Variants in BOC observed in about 807,000 individuals in gnomAD.
The protein encoded by BOC is brother of CDO.
A neutral mutation model predicts 112.0 loss-of-function variants in BOC; 76 were observed. That is an observed-to-expected ratio of 0.68 (90% CI 0.56 to 0.82). The LOEUF is 0.82. Among genes scored for constraint, BOC ranks in the 40% least tolerant of loss-of-function variants. The probability of loss-of-function intolerance (pLI) is 0.00; values close to 1 mark genes in which losing one functional copy is unlikely to be tolerated. For missense variants in BOC, 1,309 were observed against 1,511.7 expected, an observed-to-expected ratio of 0.87 and a Z score of 2.22; for synonymous variants, 580 against 599.8, an observed-to-expected ratio of 0.97 and a Z score of 0.48.
At chr3:113,254,798 T>C (rs1177119190) in intron 4 of BOC, among the ~76,000 whole-genome samples, 1 of 152,156 alleles carries the variant, frequency 6.6e-6, no homozygotes, top group East Asian at 1.9e-4. Flanking sequence ...GGGCTATAGG[T>C]CATGGGGCTT....
Position 113,266,439 on chromosome 3 carries a change from T to C in BOC, c.377-1860T>C, listed in dbSNP as rs139975016. On this transcript the variant is annotated intron_variant, in intron 4 of 19. Transcript: ENST00000682979. ...ATCCCACATAACGTCTCAAGAAACATTGTATTTGCAAAATAGCTTCCATTG... is the reference window on the plus strand; with the variant it reads ...ATCCCACATAACGTCTCAAGAAACACTGTATTTGCAAAATAGCTTCCATTG... Among the ~76,000 whole-genome samples, 543 of 152,322 alleles carry C rather than the reference T, an allele frequency of 3.6e-3. 2 individuals carry two copies. The highest frequency in any genetic ancestry group is 0.012 in the African/African-American group (492 of 41,570).
At chr3:113,272,051 G>A (rs1484414524) in intron 6 of BOC, 3 of 294,256 alleles carry the variant, frequency 1.0e-5, no homozygotes, top group African/African-American at 2.1e-5. Context: ...GCCTCACAGC[G>A]CACATACTGA....
chr3:113,280,726 AC>A, intron 14 of BOC, 63 bp downstream of exon 14: 1 of 1,350,802 alleles, frequency 7.4e-7, no homozygotes, highest in Non-Finnish European at 1.1e-6. Context: ...GGCATGGGGG[AC>A]AAGGTATTGG....
At chr3:113,251,015 C>T (rs1452180230) in intron 4 of BOC, 182 bp downstream of exon 4, 8 of 734,534 alleles carry the variant, frequency 1.1e-5, no homozygotes, top group Middle Eastern at 2.4e-4. Context: ...CCCTTGTGCC[C>T]TTGGAAAACC....
At chr3:113,271,936 C>T (rs1948165176) in intron 6 of BOC, 1 of 182,488 alleles carries the variant, frequency 5.5e-6, no homozygotes, top group African/African-American at 2.3e-5. Flanking sequence ...CCATTCAGCT[C>T]AGCCGGAGGC....
chr3:113,278,077 A>G lies in BOC; in HGVS notation c.1543-18A>G. ...CCGAGGCTGAGATGCCGGTCTTTAT[A>G]CCAGCTACCTTCTCCAGCAGGTCAC... On this transcript the variant is annotated intron_variant, in intron 9 of 19. Coordinates refer to ENST00000682979, the MANE Select transcript of BOC (RefSeq NM_001378074.1). The surrounding 1 kb of genome is among the most constrained non-coding windows in gnomAD (Gnocchi z 4.2). 1 of 1,613,940 alleles carries G rather than the reference A, an allele frequency of 6.2e-7. No homozygotes were observed. Among genetic ancestry groups the G allele is most frequent in the Middle Eastern group, 1.6e-4 (1 of 6,062 alleles).
At chr3:113,235,203 A>C (rs1943260233) in intron 2 of BOC, among the ~76,000 whole-genome samples, 1 of 152,206 alleles carries the variant, frequency 6.6e-6, no homozygotes, top group African/African-American at 2.4e-5. Flanking sequence ...AACTCTGAGC[A>C]CCTAAAGGTT....
At chr3:113,276,564 C>A (rs952354641) in intron 9 of BOC, among the ~76,000 whole-genome samples, 1 of 152,222 alleles carries the variant, frequency 6.6e-6, no homozygotes, top group Non-Finnish European at 1.5e-5. Context: ...TAAAGATCAC[C>A]CGAGAAAGAA....
chr3:113,284,743 C>T (rs780671217), intron 17 of BOC, 39 bp from the exon 18 acceptor site: 13 of 1,593,208 alleles, frequency 8.2e-6, no homozygotes, highest in Admixed American at 1.7e-5. Context: ...TACCTGGACT[C>T]CCCGGCGTGG....
chr3:113,263,457 TCTTA>T (rs765774708), intron 4 of BOC, among the ~76,000 whole-genome samples: 23 of 152,334 alleles, frequency 1.5e-4, no homozygotes, highest in South Asian at 2.1e-4. Flanking sequence ...GATGGTGGCG[TCTTA>T]CTTCTCTTCT....
chr3:113,261,228 G>A (rs1946839730), intron 4 of BOC, among the ~76,000 whole-genome samples: 1 of 152,152 alleles, frequency 6.6e-6, no homozygotes, highest in African/African-American at 2.4e-5. Flanking sequence ...CAGGCTGCCA[G>A]CCCTTCCAAA....
chr3:113,268,368 C>A lies in BOC; in HGVS notation c.446C>A (p.Ala149Asp). Residue 149 changes from alanine to aspartate, a missense_variant, in exon 5 of 20, where the codon GCC becomes GAC. Physicochemically the swap from Ala to Asp is moderately radical, Grantham distance 126. Transcript: ENST00000682979. Reference protein sequence around the residue: ...EVDEGNTAVIACHLPESHPKA... With the variant: ...EVDEGNTAVIDCHLPESHPKA... The stretch of plus-strand genomic sequence containing the variant: ...GATGAGGGAAACACAGCAGTCATTG[C>A]CTGCCACCTGCCTGAGAGCCACCCC... 1 of 1,614,130 alleles carries A rather than the reference C, an allele frequency of 6.2e-7. No individual in the cohort carries two copies. Among genetic ancestry groups the A allele is most frequent in the Non-Finnish European group, 8.5e-7 (1 of 1,180,014 alleles).
rs763004347 is a variant in BOC, at chr3:113,272,653, G to A, written c.911G>A (p.Gly304Glu). ...SGTYRCMADN[G>E]VGQPGAAVIL... ...ACCTACCGCTGCATGGCCGACAATG[G>A]GGTTGGGCAGCCCGGGGCAGCGGTC... Residue 304 changes from glycine (G) to glutamate (E), a missense_variant, in exon 7 of 20, where the codon GGG (glycine) becomes GAG (glutamate). By Grantham distance (98) the Gly-to-Glu change is moderately conservative (BLOSUM62 -2). Coordinates refer to ENST00000682979, the MANE Select transcript of BOC (RefSeq NM_001378074.1). 5.9e-5 allele frequency: 96 copies of A among 1,613,776 alleles called. No individual in the cohort carries two copies. The highest frequency in any genetic ancestry group is 7.8e-5 in the Non-Finnish European group (92 of 1,179,980).
chr3:113,269,684 C>A (rs1407859750), intron 5 of BOC: 3 of 152,174 alleles, frequency 2.0e-5, no homozygotes, highest in African/African-American at 7.2e-5. Context: ...CCTAATCCAA[C>A]CACTCAGAAC....
At chr3:113,246,581 T>G (rs1944943901) in intron 2 of BOC, among the ~76,000 whole-genome samples, 1 of 152,218 alleles carries the variant, frequency 6.6e-6, no homozygotes, top group South Asian at 2.1e-4. Context: ...GTAACTCACT[T>G]TCCCCAGATA....
chr3:113,260,706 ACAGAACAGAACAGAAAGAACAGAAC>A lies in BOC; in HGVS notation c.377-7592_377-7568del, dbSNP rs769692669. 3.4e-3 allele frequency among the ~76,000 whole-genome samples: 474 copies of A among 137,588 alleles called. 4 individuals carry two copies. The highest frequency in any genetic ancestry group is 0.014 in the Middle Eastern group (4 of 278). The allele number at this position is 137,588 out of a possible 152,430, so 90.3% of individuals were successfully genotyped here. ...ACAGAACAGAACAGAACAGAACAGA[ACAGAACAGAACAGAAAGAACAGAAC>A]AGAACAGAACAGAACAGAACAGGTT... On this transcript the variant is annotated intron_variant, in intron 4 of 19. Coordinates refer to ENST00000682979, the MANE Select transcript of BOC (RefSeq NM_001378074.1).
chr3:113,228,476 AG>A (rs1019492444), intron 2 of BOC, among the ~76,000 whole-genome samples: 5 of 152,100 alleles, frequency 3.3e-5, no homozygotes, highest in Non-Finnish European at 7.4e-5. Flanking sequence ...GCCCTGGGTG[AG>A]GTAGGTCAGG....
Position 113,278,658 on chromosome 3 carries a change from C to A in BOC, c.1706-15C>A, listed in dbSNP as rs1559881080. ...CTGCTTCCTCCCTTGCTGACTACAA[C>A]CCATTTCCACCCAGGACGGCGGCCC... On this transcript the variant is annotated splice_polypyrimidine_tract_variant and intron_variant, in intron 10 of 19. Transcript: ENST00000682979. This position sits in a 1 kb window ranked among gnomAD's most constrained non-coding sequence, Gnocchi z 4.2. 1 of 1,552,434 alleles carries A rather than the reference C, an allele frequency of 6.4e-7. No homozygotes were observed. The highest frequency in any genetic ancestry group is 8.7e-7 in the Non-Finnish European group (1 of 1,146,662).
chr3:113,244,741 A>G (rs184681757), intron 2 of BOC, among the ~76,000 whole-genome samples: 2 of 152,364 alleles, frequency 1.3e-5, no homozygotes, highest in African/African-American at 4.8e-5. Flanking sequence ...AGATTTTTAT[A>G]GATTAGAATG....
Sources: gnomAD v4.1 joint callset for allele counts (sites outside exome capture counted in the v4.1 genomes callset) on GRCh38, gnomAD v4.1.1 for gene constraint, Gnocchi (gnomAD v3.1) non-coding constraint, MANE v1.5 for transcripts, NCBI Gene and HGNC (gene_info 2026-07-23, HGNC 2026-07-21) for gene names.